PRKG1: variants seen among roughly 807,000 people sequenced by gnomAD.
PRKG1 encodes the protein protein kinase cGMP-dependent 1.
Under a neutral mutation model 88.1 loss-of-function variants are expected in PRKG1, and 35 were observed. The ratio of observed to expected loss-of-function variants is 0.40; its 90% CI spans 0.30 to 0.53. The LOEUF is 0.53. Ranked by LOEUF, PRKG1 falls within the 20% of genes least tolerant of loss-of-function variation. The pLI is 0.59. For missense variants in PRKG1, 540 were observed against 839.8 expected (o/e 0.64, Z 4.41); for synonymous variants, 303 against 292.5 (o/e 1.04, Z -0.37).
chr10:51,503,667 G>A (rs780315950), intron 3 of PRKG1, among the ~76,000 whole-genome samples: 26 of 152,126 alleles, frequency 1.7e-4, no homozygotes, highest in Non-Finnish European at 3.4e-4. Context: ...CAGCTGAGAC[G>A]TCAATCAGTC....
At chr10:51,884,429 A>T (rs7921102) in intron 4 of PRKG1, among the ~76,000 whole-genome samples, 1 of 91,684 alleles carries the variant, frequency 1.1e-5, no homozygotes, top group East Asian at 4.6e-4. Context: ...TGGGCGACAG[A>T]GTGAAACTCC....
chr10:52,169,625 C>T (rs753974449), intron 9 of PRKG1, among the ~76,000 whole-genome samples: 1 of 152,160 alleles, frequency 6.6e-6, no homozygotes, highest in Non-Finnish European at 1.5e-5. Flanking sequence ...GCTAAGAATT[C>T]TAGTATGTTA....
At chr10:51,738,595 G>A (rs919163217) in intron 3 of PRKG1, among the ~76,000 whole-genome samples, 2 of 152,166 alleles carry the variant, frequency 1.3e-5, no homozygotes, top group Admixed American at 6.5e-5. Flanking sequence ...AGGTAGATAG[G>A]TTATGAGAGG....
intron 2 of PRKG1, among the ~76,000 whole-genome samples, chr10:51,288,143 T>A (rs977888501): frequency 5.9e-5 from 9 of 151,798 alleles, no homozygotes; most frequent in Admixed American, 1.3e-4. Context: ...TTTTAATTTT[T>A]ATTTTTTTAT....
chr10:52,175,435 A>G (rs935750678), intron 9 of PRKG1, among the ~76,000 whole-genome samples: 1 of 152,116 alleles, frequency 6.6e-6, no homozygotes, highest in Admixed American at 6.5e-5. Flanking sequence ...GGCTATTGTG[A>G]ATAGTACTGC....
rs150681527 is a variant in PRKG1, at chr10:51,710,537, C to T, written c.593-94048C>T. Among the ~76,000 whole-genome samples the T allele has an allele frequency of 5.9e-5, 9 of 152,302 alleles. No individual in the cohort carries two copies. The East Asian group carries it at 7.7e-4, about 13-fold the overall frequency. ...AGCAGAAGCTTCAGGCAAGCCTGCT[C>T]TATGGATAGTACATTGTTGCCAGGC... On this transcript the variant is annotated intron_variant, in intron 3 of 17. Transcript: ENST00000373980.
At chr10:52,001,086 G>A (rs1412833040) in intron 5 of PRKG1, among the ~76,000 whole-genome samples, 2 of 151,812 alleles carry the variant, frequency 1.3e-5, no homozygotes, top group Non-Finnish European at 2.9e-5. Context: ...ACATTTAAGT[G>A]AGGTCATGCA....
intron 2 of PRKG1, among the ~76,000 whole-genome samples, chr10:51,404,856 A>G (rs186467726): frequency 1.6e-4 from 25 of 152,300 alleles, no homozygotes; most frequent in Non-Finnish European, 2.9e-4. Flanking sequence ...CAACTTAAGC[A>G]GTGCTTTAGG....
intron 2 of PRKG1, among the ~76,000 whole-genome samples, chr10:51,322,406 A>G (rs950668857): frequency 6.6e-6 from 1 of 152,184 alleles, no homozygotes; most frequent in African/African-American, 2.4e-5. Context: ...GTAAAAATCA[A>G]ACAAAACTGT....
At chr10:51,751,128 C>T (rs1302396748) in intron 3 of PRKG1, among the ~76,000 whole-genome samples, 1 of 152,230 alleles carries the variant, frequency 6.6e-6, no homozygotes, top group Non-Finnish European at 1.5e-5. Context: ...GATTAATTCA[C>T]TTCCTCAGGG....
At chr10:51,173,824 A>C (rs951427207) in intron 2 of PRKG1, among the ~76,000 whole-genome samples, 1 of 151,904 alleles carries the variant, frequency 6.6e-6, no homozygotes, top group Non-Finnish European at 1.5e-5. Flanking sequence ...ATCAGGCTGT[A>C]TGTCATAAAA....
intron 3 of PRKG1, among the ~76,000 whole-genome samples, chr10:51,739,189 A>G (rs924633772): frequency 1.3e-5 from 2 of 152,116 alleles, no homozygotes; most frequent in African/African-American, 4.8e-5. Flanking sequence ...TCCTAAATTT[A>G]TTGTCTTTTT....
At chr10:52,142,384 A>G (rs1837605384) in intron 8 of PRKG1, among the ~76,000 whole-genome samples, 1 of 152,184 alleles carries the variant, frequency 6.6e-6, no homozygotes, top group Admixed American at 6.6e-5. Context: ...GATGTCTAAA[A>G]AGAGTTTCCT....
chr10:51,354,926 C>G (rs1168988694), intron 2 of PRKG1, among the ~76,000 whole-genome samples: 1 of 151,886 alleles, frequency 6.6e-6, no homozygotes, highest in Non-Finnish European at 1.5e-5. Flanking sequence ...ATAGGGAGGA[C>G]CCTCCCTCTG....
In PRKG1 at chr10:52,251,670, G is replaced by A. The variant is rs886039153; in HGVS notation, c.1173+4G>A. 8.7e-6 allele frequency: 14 copies of A among 1,607,032 alleles called. No homozygotes were observed. Among genetic ancestry groups the A allele is most frequent in the Admixed American group, 3.3e-5 (2 of 59,908 alleles). ...AGGTTTCGGACGAGTAGAACTGGTA[G>A]GTGATTGTTCTTTAAATGCTTTTGA... is the stretch of plus-strand genomic sequence containing the variant. On this transcript the variant is annotated splice_donor_region_variant and intron_variant, in intron 10 of 17. Transcript: ENST00000373980.
chr10:52,188,429 G>A (rs1323696008), intron 9 of PRKG1, among the ~76,000 whole-genome samples: 5 of 150,528 alleles, frequency 3.3e-5, no homozygotes, highest in African/African-American at 4.9e-5. Flanking sequence ...GCTCATTGGA[G>A]CCTCAACTAT....
At chr10:52,278,727 C>G (rs1400671381) in intron 12 of PRKG1, among the ~76,000 whole-genome samples, 1 of 151,650 alleles carries the variant, frequency 6.6e-6, no homozygotes. Flanking sequence ...GGAGGTCGAA[C>G]CCCCATCTCT....
intron 2 of PRKG1, among the ~76,000 whole-genome samples, chr10:51,253,278 T>G (rs976790014): frequency 2.0e-5 from 3 of 151,934 alleles, no homozygotes; most frequent in Non-Finnish European, 4.4e-5. Flanking sequence ...AAGGAAGAAC[T>G]ACTTCACCAA....
At chr10:51,416,212 A>G (rs1838232529) in intron 2 of PRKG1, among the ~76,000 whole-genome samples, 1 of 151,948 alleles carries the variant, frequency 6.6e-6, no homozygotes, top group South Asian at 2.1e-4. Context: ...TTTCTAATAA[A>G]ATAATTCAAT....
Sources: gnomAD v4.1 joint callset for allele counts (sites outside exome capture counted in the v4.1 genomes callset) on GRCh38, gnomAD v4.1.1 for gene constraint, MANE v1.5 for transcripts, NCBI Gene and HGNC (gene_info 2026-07-23, HGNC 2026-07-21) for gene names.